CDH12: variants seen among roughly 807,000 people sequenced by gnomAD.
CDH12 encodes cadherin-12.
Under a neutral mutation model 74.1 loss-of-function variants are expected in CDH12, and 41 were observed. The observed-to-expected ratio is 0.55, with a 90% confidence interval of 0.43 to 0.72. The LOEUF (loss-of-function observed/expected upper bound fraction) is 0.72, where lower values mean the gene tolerates loss of function less well. CDH12 is among the 30% of genes least tolerant of loss of function. The pLI is 0.00. For missense variants in CDH12, 945 were observed against 977.2 expected, an observed-to-expected ratio of 0.97 and a Z score of 0.44; for synonymous variants, 399 against 355.0, an observed-to-expected ratio of 1.12 and a Z score of -1.39.
At chr5:22,833,859 G>T (rs1407084359) in intron 1 of CDH12, among the ~76,000 whole-genome samples, 1 of 151,754 alleles carries the variant, frequency 6.6e-6, no homozygotes, top group Non-Finnish European at 1.5e-5. Flanking sequence ...ATAGCACATG[G>T]TTATTTTCTA....
intron 4 of CDH12, among the ~76,000 whole-genome samples, chr5:22,115,616 G>C (rs931418492): frequency 1.3e-5 from 2 of 150,868 alleles, no homozygotes; most frequent in African/African-American, 4.9e-5. Flanking sequence ...TATCAGGGCT[G>C]ATACCATTTC....
chr5:22,236,505 G>A (rs1752564792), intron 3 of CDH12, among the ~76,000 whole-genome samples: 1 of 151,802 alleles, frequency 6.6e-6, no homozygotes, highest in Non-Finnish European at 1.5e-5. Context: ...GGCCGAGGTG[G>A]GCAGATCACT....
chr5:22,503,787 C>G (rs966487843), intron 2 of CDH12, among the ~76,000 whole-genome samples: 2 of 151,974 alleles, frequency 1.3e-5, no homozygotes, highest in Non-Finnish European at 2.9e-5. Flanking sequence ...TCTCATTTAT[C>G]TGGGCCTTTG....
At chr5:22,301,408 G>C (rs1410206715) in intron 3 of CDH12, among the ~76,000 whole-genome samples, 1 of 152,134 alleles carries the variant, frequency 6.6e-6, no homozygotes, top group Non-Finnish European at 1.5e-5. Context: ...CAAATATGTA[G>C]TATGGATGCA....
chr5:21,796,587 C>A (rs1450550880), intron 10 of CDH12, among the ~76,000 whole-genome samples: 1 of 152,060 alleles, frequency 6.6e-6, no homozygotes, highest in African/African-American at 2.4e-5. Flanking sequence ...ATTTTCTTTA[C>A]ATCATCATTC....
chr5:22,022,634 C>T (rs887187026), intron 5 of CDH12, among the ~76,000 whole-genome samples: 3 of 152,142 alleles, frequency 2.0e-5, no homozygotes, highest in African/African-American at 7.2e-5. Context: ...AATAATATCA[C>T]AGGCTGAGTA....
chr5:22,281,239 C>G (rs1402027838), intron 3 of CDH12, among the ~76,000 whole-genome samples: 1 of 152,076 alleles, frequency 6.6e-6, no homozygotes. Flanking sequence ...ATAATAAGAG[C>G]TATTTATGAC....
At chr5:22,479,183 GATA>G (rs1159926734) in intron 2 of CDH12, among the ~76,000 whole-genome samples, 1 of 152,196 alleles carries the variant, frequency 6.6e-6, no homozygotes, top group Non-Finnish European at 1.5e-5. Context: ...AACTGCTGAA[GATA>G]ATAAGATTAC....
intron 5 of CDH12, among the ~76,000 whole-genome samples, chr5:22,074,940 T>C (rs79865702): frequency 0.37 from 56,250 of 151,164 alleles, 13,303 homozygotes; most frequent in African/African-American, 0.68. Flanking sequence ...TACCATTTGA[T>C]CCAGCCATCC....
chr5:22,201,212 T>C (rs1033178290), intron 4 of CDH12, among the ~76,000 whole-genome samples: 1 of 152,174 alleles, frequency 6.6e-6, no homozygotes, highest in Non-Finnish European at 1.5e-5. Flanking sequence ...TGCAGCCATA[T>C]TCACCATATA....
chr5:22,566,053 G>T (rs894814117), intron 1 of CDH12, among the ~76,000 whole-genome samples: 5 of 152,026 alleles, frequency 3.3e-5, no homozygotes, highest in African/African-American at 1.2e-4. Context: ...TGAGTGAATT[G>T]ATGTCTGAAG....
chr5:22,652,672 T>C (rs1739803801), intron 1 of CDH12, among the ~76,000 whole-genome samples: 1 of 152,176 alleles, frequency 6.6e-6, no homozygotes, highest in African/African-American at 2.4e-5. Context: ...TATAGACTTT[T>C]ACAAGTACAA....
At chr5:22,345,194 A>AT (rs1317063929) in intron 3 of CDH12, among the ~76,000 whole-genome samples, 52 of 151,466 alleles carry the variant, frequency 3.4e-4, no homozygotes, top group Non-Finnish European at 5.7e-4. Context: ...ATCACTTTAG[A>AT]TTTTTTATTT....
In CDH12 at chr5:22,407,309, G is replaced by C. The variant is rs111990355; in HGVS notation, c.-427-1958C>G. ...CCAATTTCCTAAACTCCAGTTCTTTGTGGCACCCTTTGATTTCTTCTCCTC... is the reference window on the plus strand; with the variant it reads ...CCAATTTCCTAAACTCCAGTTCTTTCTGGCACCCTTTGATTTCTTCTCCTC... On this transcript the variant is annotated intron_variant, in intron 2 of 14. Transcript: ENST00000382254. Among the ~76,000 whole-genome samples the C allele has an allele frequency of 3.1e-3, 467 of 152,090 alleles. 6 individuals carry two copies. The highest frequency in any genetic ancestry group is 0.011 in the African/African-American group (451 of 41,522).
intron 7 of CDH12, among the ~76,000 whole-genome samples, chr5:21,853,877 T>G (rs1016935856): frequency 1.3e-5 from 2 of 151,690 alleles, no homozygotes; most frequent in Non-Finnish European, 3.0e-5. Flanking sequence ...TATGTTCTAA[T>G]GTAGTGTATA....
chr5:22,822,753 G>A (rs1749775375), intron 1 of CDH12, among the ~76,000 whole-genome samples: 1 of 152,084 alleles, frequency 6.6e-6, no homozygotes, highest in African/African-American at 2.4e-5. Context: ...GAGAGGATGT[G>A]GAGAAATAGG....
At chr5:22,184,107 G>A (rs1749799209) in intron 4 of CDH12, among the ~76,000 whole-genome samples, 1 of 151,888 alleles carries the variant, frequency 6.6e-6, no homozygotes, top group Admixed American at 6.6e-5. Context: ...ATTTAGATAA[G>A]GCATGAAATG....
chr5:22,345,879 G>A (rs1050409887), intron 3 of CDH12, among the ~76,000 whole-genome samples: 5 of 152,112 alleles, frequency 3.3e-5, no homozygotes, highest in Non-Finnish European at 2.9e-5. Flanking sequence ...TGAGGCAGGC[G>A]GATCGCCTGA....
At chr5:22,466,431 AGT>A (rs1745731882) in intron 2 of CDH12, among the ~76,000 whole-genome samples, 1 of 152,118 alleles carries the variant, frequency 6.6e-6, no homozygotes, top group Non-Finnish European at 1.5e-5. Context: ...AAAAAAGGTG[AGT>A]ATGTATGATT....
Sources: gnomAD v4.1 joint callset for allele counts (sites outside exome capture counted in the v4.1 genomes callset) on GRCh38, gnomAD v4.1.1 for gene constraint, MANE v1.5 for transcripts, NCBI Gene and HGNC (gene_info 2026-07-23, HGNC 2026-07-21) for gene names.